The following HS3ST4 variants were observed in gnomAD, a reference collection of about 807,000 sequenced individuals.
HS3ST4 encodes the protein heparan sulfate glucosamine 3-O-sulfotransferase 4.
HS3ST4 carries 17 observed loss-of-function variants against 29.2 expected under a neutral mutation model. The observed-to-expected ratio is 0.58, with a 90% CI of 0.40 to 0.87. The LOEUF is 0.87. HS3ST4 is among the 40% of genes least tolerant of loss of function. HS3ST4 has a pLI of 0.00. For missense variants in HS3ST4, 627 were observed against 634.5 expected, an observed-to-expected ratio of 0.99 and a Z score of 0.13; for synonymous variants, 314 against 285.7, an observed-to-expected ratio of 1.10 and a Z score of -1.00.
At chr16:25,853,085 A>G (rs199686807) in intron 1 of HS3ST4, among the ~76,000 whole-genome samples, 5 of 152,178 alleles carry the variant, frequency 3.3e-5, no homozygotes, top group East Asian at 3.8e-4. Flanking sequence ...GTTATTATCA[A>G]TGTATAGATC....
chr16:26,025,976 A>G (rs1247902974), intron 1 of HS3ST4, among the ~76,000 whole-genome samples: 3 of 150,554 alleles, frequency 2.0e-5, no homozygotes, highest in Non-Finnish European at 1.5e-5. Flanking sequence ...GCGTTTTACC[A>G]TGTTGGCCAG....
At chr16:25,846,837 C>T (rs1176806459) in intron 1 of HS3ST4, among the ~76,000 whole-genome samples, 3 of 152,094 alleles carry the variant, frequency 2.0e-5, no homozygotes, top group Non-Finnish European at 4.4e-5. Context: ...TCAATACCGT[C>T]GTCAAGTTTT....
chr16:26,079,206 G>A (rs1038429175), intron 1 of HS3ST4, among the ~76,000 whole-genome samples: 4 of 152,188 alleles, frequency 2.6e-5, no homozygotes, highest in Non-Finnish European at 4.4e-5. Flanking sequence ...CATAATAAAC[G>A]AGCTGCCTCT....
intron 1 of HS3ST4, among the ~76,000 whole-genome samples, chr16:26,131,346 A>T (rs1267071310): frequency 6.6e-6 from 1 of 152,230 alleles, no homozygotes; most frequent in Admixed American, 6.5e-5. Context: ...TTCTCATCAC[A>T]TGAGGAAAAC....
chr16:26,088,055 G>A (rs898103327), intron 1 of HS3ST4, among the ~76,000 whole-genome samples: 1 of 152,086 alleles, frequency 6.6e-6, no homozygotes, highest in African/African-American at 2.4e-5. Flanking sequence ...GTTCCCTAAT[G>A]AGTGTGGCTT....
At position 25,970,586 on chromosome 16, in the gene HS3ST4, T is replaced by G. The variant is rs557641840; in HGVS notation, c.735-165026T>G. Among the ~76,000 whole-genome samples, 4 of 152,240 alleles carry G rather than the reference T, an allele frequency of 2.6e-5. No homozygotes were observed. The East Asian group carries it at 7.7e-4, about 29-fold the overall frequency. On this transcript the variant is annotated intron_variant, in intron 1 of 1. Transcript: ENST00000331351. The stretch of plus-strand genomic sequence containing the variant: ...ATGCAGTGATGTGATTATAACTCAC[T>G]GTAGCCTCAACCCCCTGGACTCAGG...
intron 1 of HS3ST4, among the ~76,000 whole-genome samples, chr16:25,900,739 A>G (rs1968112981): frequency 6.6e-6 from 1 of 152,120 alleles, no homozygotes; most frequent in Non-Finnish European, 1.5e-5. Context: ...GATTGCTGGA[A>G]TCTATAGCAT....
In HS3ST4 at chr16:25,881,418, A is replaced by T. The variant is rs576355363; in HGVS notation, c.734+188267A>T. ...GGGATTTGTTCAGTGTTTATTAGAC[A>T]TGTAAAATTAAGATGAAACTGTCCT... is the stretch of plus-strand genomic sequence containing the variant. On this transcript the variant is annotated intron_variant, in intron 1 of 1. Coordinates refer to ENST00000331351, the MANE Select transcript of HS3ST4 (RefSeq NM_006040.3). Among the ~76,000 whole-genome samples, 4 of 152,336 alleles carry T rather than the reference A, an allele frequency of 2.6e-5. No individual in the cohort carries two copies. In the East Asian group the frequency reaches 7.7e-4, roughly 29 times the overall value.
At chr16:26,121,464 T>G (rs1016339010) in intron 1 of HS3ST4, among the ~76,000 whole-genome samples, 6 of 152,182 alleles carry the variant, frequency 3.9e-5, no homozygotes, top group African/African-American at 1.4e-4. Flanking sequence ...GGCTCAGAAT[T>G]GCGATGGTCC....
intron 1 of HS3ST4, among the ~76,000 whole-genome samples, chr16:25,969,004 G>T (rs1430636105): frequency 6.6e-6 from 1 of 152,106 alleles, no homozygotes; most frequent in Admixed American, 6.5e-5. Flanking sequence ...AATTTTAGCA[G>T]AGACGGGGGT....
At chr16:26,016,041 T>C (rs1455318850) in intron 1 of HS3ST4, among the ~76,000 whole-genome samples, 1 of 152,162 alleles carries the variant, frequency 6.6e-6, no homozygotes, top group Non-Finnish European at 1.5e-5. Flanking sequence ...AGCAAAGAGA[T>C]AGCTGCCCCA....
intron 1 of HS3ST4, among the ~76,000 whole-genome samples, chr16:25,979,681 A>C (rs545283304): frequency 4.6e-5 from 7 of 152,344 alleles, no homozygotes; most frequent in South Asian, 2.1e-4. Context: ...AATAGAAATA[A>C]AGTGTACAAT....
intron 1 of HS3ST4, among the ~76,000 whole-genome samples, chr16:25,856,838 A>G (rs1967578348): frequency 6.6e-6 from 1 of 152,114 alleles, no homozygotes; most frequent in Non-Finnish European, 1.5e-5. Context: ...AAAATAAACT[A>G]GTAATATTAA....
Position 25,737,959 on chromosome 16 carries a change from C to T in HS3ST4, c.734+44808C>T, listed in dbSNP as rs78264128. ...TCACTTTGTTGCCCAGGCTGGTGTG[C>T]AGTGGAGCAATCTCGGCTCACTGCA... On this transcript the variant is annotated intron_variant, in intron 1 of 1. Transcript: ENST00000331351. Among the ~76,000 whole-genome samples the T allele has an allele frequency of 5.5e-3, 792 of 145,166 alleles. 8 individuals are homozygous for T. Among genetic ancestry groups the T allele is most frequent in the African/African-American group, 0.019 (747 of 38,558 alleles).
At chr16:26,131,455 G>A (rs1596692784) in intron 1 of HS3ST4, among the ~76,000 whole-genome samples, 1 of 152,102 alleles carries the variant, frequency 6.6e-6, no homozygotes, top group South Asian at 2.1e-4. Context: ...TTTGCTCACT[G>A]CCCTCCAGCG....
At chr16:26,069,500 A>G (rs1365399533) in intron 1 of HS3ST4, among the ~76,000 whole-genome samples, 2 of 152,174 alleles carry the variant, frequency 1.3e-5, no homozygotes, top group African/African-American at 4.8e-5. Context: ...CATGGAACAA[A>G]GTCAAGTAAT....
At chr16:25,742,204 A>C (rs1360506021) in intron 1 of HS3ST4, among the ~76,000 whole-genome samples, 2 of 152,178 alleles carry the variant, frequency 1.3e-5, no homozygotes, top group African/African-American at 4.8e-5. Flanking sequence ...GCGCCTTGAC[A>C]CTGCTTTTTG....
chr16:25,782,501 G>A lies in HS3ST4; in HGVS notation c.734+89350G>A, dbSNP rs188935379. Among the ~76,000 whole-genome samples the A allele has an allele frequency of 3.3e-3, 504 of 152,260 alleles. 2 individuals carry two copies. Among genetic ancestry groups the A allele is most frequent in the Non-Finnish European group, 4.9e-3 (335 of 68,022 alleles). ...TTTTTTCCACCATTGGATTTTAGCC[G>A]TATGGTTCAGAATTCAATTTATAAG... On this transcript the variant is annotated intron_variant, in intron 1 of 1. Transcript: ENST00000331351.
At chr16:26,120,440 C>T (rs1443753869) in intron 1 of HS3ST4, among the ~76,000 whole-genome samples, 1 of 152,234 alleles carries the variant, frequency 6.6e-6, no homozygotes, top group Admixed American at 6.5e-5. Flanking sequence ...TAGAAGGCTC[C>T]AGCCTTGGCA....
Sources: allele counts gnomAD v4.1 joint callset (sites outside exome capture counted in the v4.1 genomes callset), GRCh38; gene constraint gnomAD v4.1.1; transcripts MANE v1.5; gene names NCBI Gene and HGNC (gene_info 2026-07-23, HGNC 2026-07-21).